Variants in GTPBP1 observed in about 807,000 individuals in gnomAD.
GTPBP1 encodes GTP-binding protein 1.
A neutral mutation model predicts 62.0 loss-of-function variants in GTPBP1; 23 were observed. The ratio of observed to expected loss-of-function variants is 0.37; its 90% confidence interval spans 0.27 to 0.53. The LOEUF is 0.53. Ranked by LOEUF, GTPBP1 falls within the 20% of genes least tolerant of loss-of-function variation. The pLI, the probability that GTPBP1 is intolerant of heterozygous loss-of-function variation, is 0.89. For missense variants in GTPBP1, 640 were observed against 917.3 expected, an observed-to-expected ratio of 0.70 and a Z score of 3.90; for synonymous variants, 344 against 364.4, an observed-to-expected ratio of 0.94 and a Z score of 0.64.
In GTPBP1 at chr22:38,730,987, TTA is replaced by T; in HGVS notation, c.*287_*288del. 1 of 436,428 alleles carries T rather than the reference TTA, an allele frequency of 2.3e-6. No individual in the cohort carries two copies. Among genetic ancestry groups the T allele is most frequent in the South Asian group, 2.8e-5 (1 of 36,292 alleles). 27.0% of individuals were successfully genotyped at this position (436,428 alleles called of 1,614,324 possible). A position where few individuals can be genotyped will look rare whatever the true frequency, so the allele number is the denominator to read the frequency against. Reference sequence around the variant, plus strand: ...GGGCCCTTAGTTTTTATTCTGTTTATTATATGTCTCTGTCTCTCTCTATTGTG... The same window carrying T: ...GGGCCCTTAGTTTTTATTCTGTTTATTATGTCTCTGTCTCTCTCTATTGTG... On this transcript the variant is annotated 3_prime_UTR_variant, in exon 12 of 12. Coordinates refer to ENST00000216044, the MANE Select transcript of GTPBP1 (RefSeq NM_004286.5). The surrounding 1 kb of genome is among the most constrained non-coding windows in gnomAD (Gnocchi z 5.6).
chr22:38,726,726 C>T lies in GTPBP1; in HGVS notation c.1401+286C>T, dbSNP rs186540614. 6.6e-6 allele frequency among the ~76,000 whole-genome samples: 1 copy of T among 152,282 alleles called. No individual in the cohort carries two copies. Among genetic ancestry groups the T allele is most frequent in the East Asian group, 1.9e-4 (1 of 5,178 alleles). ...GTGGTGAGGTCAAATAGGAGTATCC[C>T]TGCTGTGCAAGGATCCTTCTACATA... On this transcript the variant is annotated intron_variant, in intron 8 of 11. Coordinates refer to ENST00000216044, the MANE Select transcript of GTPBP1 (RefSeq NM_004286.5). This position sits in a 1 kb window ranked among gnomAD's most constrained non-coding sequence, Gnocchi z 4.1.
At chr22:38,717,774 G>A (rs2092678881) in intron 4 of GTPBP1, among the ~76,000 whole-genome samples, 1 of 152,186 alleles carries the variant, frequency 6.6e-6, no homozygotes, top group Non-Finnish European at 1.5e-5. Flanking sequence ...GACAGTGGGA[G>A]TGCTGAGGGG....
Position 38,727,274 on chromosome 22 carries a change from C to G in GTPBP1, c.1463C>G (p.Ala488Gly), listed in dbSNP as rs1322300840. Residue 488 changes from alanine to glycine, a missense_variant, in exon 9 of 12, where the codon GCC becomes GGC. By Grantham distance (60) the Ala-to-Gly change is moderately conservative. Coordinates refer to ENST00000216044, the MANE Select transcript of GTPBP1 (RefSeq NM_004286.5). This position sits in a 1 kb window ranked among gnomAD's most constrained non-coding sequence, Gnocchi z 6.5. ...GTTTCCCCACGTTTGAATCCCCAAG[C>G]CTCCTGGGAGTTTGAGGCCGAGATT... Reference protein sequence around the residue: ...VMVSPRLNPQASWEFEAEILV... With the variant: ...VMVSPRLNPQGSWEFEAEILV... 4 of 1,603,366 alleles carry G rather than the reference C, an allele frequency of 2.5e-6. No homozygotes were observed. Among genetic ancestry groups the G allele is most frequent in the Non-Finnish European group, 3.4e-6 (4 of 1,174,864 alleles).
chr22:38,738,580 T>C (rs1569294585), downstream of GTPBP1: 1 of 1,611,476 alleles, frequency 6.2e-7, no homozygotes. The surrounding 1 kb of genome is among the most constrained non-coding windows in gnomAD (Gnocchi z 6.6). Flanking sequence ...ACAGGACAGA[T>C]ACTCACAAAG....
rs117884857 is a variant in GTPBP1, at chr22:38,727,801, A to T, written c.1538-182A>T. 2.9e-3 allele frequency among the ~76,000 whole-genome samples: 434 copies of T among 152,168 alleles called. 11 individuals are homozygous for T. In the East Asian group the frequency reaches 0.053, roughly 19 times the overall value. Reference sequence around the variant, plus strand: ...ACGGGTGGGCATTAGCTGGAGGAAAAGGTGGGAGATGGTAAGGCAGGATCA... The same window carrying T: ...ACGGGTGGGCATTAGCTGGAGGAAATGGTGGGAGATGGTAAGGCAGGATCA... On this transcript the variant is annotated intron_variant, in intron 9 of 11. Transcript: ENST00000216044. The surrounding 1 kb of genome is among the most constrained non-coding windows in gnomAD (Gnocchi z 6.5).
downstream of GTPBP1, among the ~76,000 whole-genome samples, chr22:38,742,092 G>A (rs1226877362): frequency 6.6e-6 from 1 of 151,658 alleles, no homozygotes; most frequent in East Asian, 1.9e-4. Flanking sequence ...GTAGTGAGTC[G>A]AGATCACGCC....
chr22:38,734,353 C>A, downstream of GTPBP1: 1 of 446,606 alleles, frequency 2.2e-6, no homozygotes. Context: ...ATAGCGAATT[C>A]CCATGGAGGA....
chr22:38,724,083 A>T (rs2145873632), intron 5 of GTPBP1, among the ~76,000 whole-genome samples: 1 of 152,254 alleles, frequency 6.6e-6, no homozygotes, highest in African/African-American at 2.4e-5. Flanking sequence ...GCAGAACCCT[A>T]GAAAAGAGGC....
At chr22:38,740,863 A>G (rs1482451907), downstream of GTPBP1, 3 of 893,984 alleles carry the variant, frequency 3.4e-6, no homozygotes, top group Non-Finnish European at 5.3e-6. The surrounding 1 kb of genome is among the most constrained non-coding windows in gnomAD (Gnocchi z 4.8). Flanking sequence ...AGGGGTCCTG[A>G]GCTGGGTTTC....
chr22:38,717,675 T>C (rs2092678489), intron 4 of GTPBP1, among the ~76,000 whole-genome samples: 1 of 152,212 alleles, frequency 6.6e-6, no homozygotes, highest in South Asian at 2.1e-4. Flanking sequence ...TCTAATAGAT[T>C]AACTGAGAAA....
intron 2 of GTPBP1, among the ~76,000 whole-genome samples, chr22:38,711,950 G>T (rs572570950): frequency 1.3e-5 from 2 of 151,652 alleles, no homozygotes; most frequent in Admixed American, 1.3e-4. Context: ...GTATGATCTC[G>T]GCTCACTGCA....
chr22:38,712,475 CTTTTA>C (rs2092645528), intron 2 of GTPBP1, among the ~76,000 whole-genome samples: 1 of 152,092 alleles, frequency 6.6e-6, no homozygotes, highest in Non-Finnish European at 1.5e-5. Flanking sequence ...AGAGGTTAGA[CTTTTA>C]TTCTGAGAGT....
At chr22:38,722,793 A>C in intron 5 of GTPBP1, 1 of 1,600,572 alleles carries the variant, frequency 6.2e-7, no homozygotes, top group South Asian at 1.1e-5. Flanking sequence ...ATTTGGCTTG[A>C]TTGTAGGAGA....
At chr22:38,715,820 T>G in intron 2 of GTPBP1, 87 bp from the exon 3 acceptor site, 5 of 1,114,574 alleles carry the variant, frequency 4.5e-6, no homozygotes, top group Non-Finnish European at 6.5e-6. Flanking sequence ...GTGGTGGCCT[T>G]TGTTAGGTGG....
downstream of GTPBP1, chr22:38,737,785 C>T: frequency 2.5e-6 from 1 of 408,024 alleles, no homozygotes; most frequent in Admixed American, 2.9e-5. This position sits in a 1 kb window ranked among gnomAD's most constrained non-coding sequence, Gnocchi z 4.1. Context: ...CGGATGCCCA[C>T]TGAAGTTTAA....
Position 38,732,697 on chromosome 22 carries a change from GTTTTTC to G in GTPBP1, c.*2005_*2010del, listed in dbSNP as rs533316689. 1.2e-4 allele frequency: 18 copies of G among 152,484 alleles called. 1 individual carries two copies. The South Asian group carries it at 3.5e-3, about 30-fold the overall frequency. 9.4% of individuals were successfully genotyped at this position (152,484 alleles called of 1,614,324 possible). On this transcript the variant is annotated 3_prime_UTR_variant, in exon 12 of 12. Coordinates refer to ENST00000216044, the MANE Select transcript of GTPBP1 (RefSeq NM_004286.5). ...CGCCCCTGAGGTCGATGTTTGTTCT[GTTTTTC>G]TTTTTCTTTTTTGAGACGGAGTCTC...
downstream of GTPBP1, chr22:38,739,908 G>A (rs150115207): frequency 9.9e-6 from 16 of 1,612,530 alleles, no homozygotes; most frequent in South Asian, 2.2e-5. The surrounding 1 kb of genome is among the most constrained non-coding windows in gnomAD (Gnocchi z 6.7). Context: ...CTCGGGCAAG[G>A]AACTGACTGA....
chr22:38,728,061 C>T lies in GTPBP1; in HGVS notation c.1616C>T (p.Thr539Ile). 5 of 1,613,066 alleles carry T rather than the reference C, an allele frequency of 3.1e-6. No individual in the cohort carries two copies. The highest frequency in any genetic ancestry group is 4.2e-6 in the Non-Finnish European group (5 of 1,179,006). ...KDCLRTGDKA[T>I]VHFRFIKTPE... ...TGTCTGCGCACTGGGGACAAGGCCA[C>T]TGTACACTTCCGCTTCATCAAGACC... Residue 539 changes from threonine to isoleucine, a missense_variant, in exon 10 of 12, where the codon ACT becomes ATT. Physicochemically the swap from Thr to Ile is moderately conservative, Grantham distance 89 (BLOSUM62 -1). Coordinates refer to ENST00000216044, the MANE Select transcript of GTPBP1 (RefSeq NM_004286.5).
downstream of GTPBP1, chr22:38,740,445 AGAG>A (rs755417457): frequency 4.1e-6 from 6 of 1,477,054 alleles, no homozygotes; most frequent in East Asian, 1.5e-4. The surrounding 1 kb of genome is among the most constrained non-coding windows in gnomAD (Gnocchi z 4.8). Context: ...GGTCCCAGAG[AGAG>A]AAGAGTAAGC....
Sources: allele counts gnomAD v4.1 joint callset (sites outside exome capture counted in the v4.1 genomes callset), GRCh38; gene constraint gnomAD v4.1.1; non-coding constraint Gnocchi (gnomAD v3.1); transcripts MANE v1.5; gene names NCBI Gene and HGNC (gene_info 2026-07-23, HGNC 2026-07-21).